Variants in ADCK1 observed in about 807,000 individuals in gnomAD.
The protein encoded by ADCK1 is aarF domain containing kinase 1, also known as aarF domain-containing protein kinase 1.
Under a neutral mutation model 52.3 loss-of-function variants are expected in ADCK1, and 41 were observed. That is an observed-to-expected ratio of 0.78 (90% CI 0.61 to 1.02). The LOEUF is 1.02. Among genes scored for constraint, ADCK1 ranks in the 50% least tolerant of loss-of-function variants. The pLI is 0.00. For missense variants in ADCK1, 658 were observed against 679.5 expected (o/e 0.97, Z 0.35); for synonymous variants, 250 against 274.6 (o/e 0.91, Z 0.89).
chr14:77,830,369 G>A (rs2081819110), intron 3 of ADCK1, among the ~76,000 whole-genome samples: 1 of 151,138 alleles, frequency 6.6e-6, no homozygotes, highest in Admixed American at 6.6e-5. Context: ...TGACCAGGAT[G>A]GTCTCGAACT....
At chr14:77,826,215 A>G (rs1490925186) in intron 3 of ADCK1, among the ~76,000 whole-genome samples, 1 of 152,192 alleles carries the variant, frequency 6.6e-6, no homozygotes, top group Non-Finnish European at 1.5e-5. Context: ...TGGCACTAAG[A>G]GCATGAGTAA....
intron 3 of ADCK1, among the ~76,000 whole-genome samples, chr14:77,830,444 C>T (rs56244834): frequency 0.044 from 6,680 of 151,146 alleles, 399 homozygotes; most frequent in African/African-American, 0.11. Context: ...TATGAGCCAC[C>T]GTGCCTCGCC....
At chr14:77,853,040 C>A in intron 3 of ADCK1, among the ~76,000 whole-genome samples, 1 of 140,252 alleles carries the variant, frequency 7.1e-6, no homozygotes. Context: ...GTGTGAGCCA[C>A]CATGCCTGGC....
chr14:77,868,016 G>C lies in ADCK1; in HGVS notation c.423+8737G>C, dbSNP rs372994710. ...GAGCAAAATTTGGCAGTTAAGACCAGCACCCTCATCTTGTATCCAGCACCT... is the reference window on the plus strand; with the variant it reads ...GAGCAAAATTTGGCAGTTAAGACCACCACCCTCATCTTGTATCCAGCACCT... On this transcript the variant is annotated intron_variant, in intron 4 of 10. Coordinates refer to ENST00000238561, the MANE Select transcript of ADCK1 (RefSeq NM_020421.4). 2.6e-5 allele frequency among the ~76,000 whole-genome samples: 4 copies of C among 152,348 alleles called. No homozygotes were observed. In the South Asian group the frequency reaches 8.3e-4, roughly 32 times the overall value.
chr14:77,832,229 T>C (rs61166317), intron 3 of ADCK1, among the ~76,000 whole-genome samples: 13,068 of 152,192 alleles, frequency 0.086, 1,032 homozygotes, highest in African/African-American at 0.2. Flanking sequence ...CCGCCCGCCT[T>C]GGCTGTAATC....
At chr14:77,839,431 GGGT>G (rs1566653913) in intron 3 of ADCK1, among the ~76,000 whole-genome samples, 1 of 152,122 alleles carries the variant, frequency 6.6e-6, no homozygotes, top group Non-Finnish European at 1.5e-5. Flanking sequence ...ATCTGGATGG[GGGT>G]GGGTGAGAGG....
At chr14:77,885,680 G>T (rs2083131969) in intron 4 of ADCK1, among the ~76,000 whole-genome samples, 1 of 152,158 alleles carries the variant, frequency 6.6e-6, no homozygotes, top group African/African-American at 2.4e-5. Context: ...GGGAGGAAGG[G>T]CTGTGCAGAC....
At chr14:77,899,708 T>C (rs2083489501) in intron 6 of ADCK1, among the ~76,000 whole-genome samples, 5 of 152,168 alleles carry the variant, frequency 3.3e-5, no homozygotes, top group Admixed American at 2.6e-4. Context: ...ACTGCAGTTA[T>C]GGAAAATCAC....
intron 6 of ADCK1, among the ~76,000 whole-genome samples, chr14:77,901,315 G>A (rs537286743): frequency 6.6e-6 from 1 of 150,918 alleles, no homozygotes; most frequent in East Asian, 1.9e-4. Flanking sequence ...CTCCCAAAGT[G>A]CTGAGATTAC....
At position 77,829,835 on chromosome 14, in the gene ADCK1, G is replaced by A. The variant is rs1272924836; in HGVS notation, c.219+7317G>A. The stretch of plus-strand genomic sequence containing the variant: ...TAGGTGAGGTTGAATGAGTTAAGTT[G>A]GTATGGGAGCTGAGTTTGGAAAGGT... On this transcript the variant is annotated intron_variant, in intron 3 of 10. Coordinates refer to ENST00000238561, the MANE Select transcript of ADCK1 (RefSeq NM_020421.4). 1.3e-5 allele frequency among the ~76,000 whole-genome samples: 2 copies of A among 151,364 alleles called. 1 individual carries two copies. The highest frequency in any genetic ancestry group is 3.0e-5 in the Non-Finnish European group (2 of 67,658).
Position 77,931,622 on chromosome 14 carries a change from G to A in ADCK1, c.1311G>A (p.Leu437=). 1 of 1,613,206 alleles carries A rather than the reference G, an allele frequency of 6.2e-7. No homozygotes were observed. The highest frequency in any genetic ancestry group is 8.5e-7 in the Non-Finnish European group (1 of 1,180,036). ...TGCTCATCTTGAAGACCAACGACCT[G>A]CTGCGTGGCATTGAGGCCGCCCTGG... The part of the protein sequence containing the change: ...QMLLILKTND[L]LRGIEAALGT... The change falls in exon 10 of 11, where the codon CTG becomes CTA. Residue 437 remains leucine (L), a synonymous_variant. Transcript: ENST00000238561.
intron 4 of ADCK1, 104 bp from the exon 5 acceptor site, chr14:77,886,987 G>C: frequency 7.9e-7 from 1 of 1,268,538 alleles, no homozygotes; most frequent in South Asian, 1.6e-5. Context: ...TCTCAAATCT[G>C]TCCTGGGGGC....
At chr14:77,912,145 T>A (rs977535063) in intron 7 of ADCK1, among the ~76,000 whole-genome samples, 1 of 152,180 alleles carries the variant, frequency 6.6e-6, no homozygotes, top group African/African-American at 2.4e-5. Flanking sequence ...TTTTGTTTCA[T>A]TGGTCTATCC....
At chr14:77,888,687 G>A (rs970031979) in intron 5 of ADCK1, among the ~76,000 whole-genome samples, 2 of 152,128 alleles carry the variant, frequency 1.3e-5, no homozygotes. Context: ...CACATGGGGT[G>A]GGGGCAAGGA....
chr14:77,851,043 T>C (rs1283623398), intron 3 of ADCK1, among the ~76,000 whole-genome samples: 1 of 152,124 alleles, frequency 6.6e-6, no homozygotes, highest in East Asian at 1.9e-4. Context: ...GCTATTACTT[T>C]TGCATCAACT....
chr14:77,927,607 C>T (rs1239730834), intron 9 of ADCK1, among the ~76,000 whole-genome samples: 5 of 152,150 alleles, frequency 3.3e-5, no homozygotes, highest in South Asian at 2.1e-4. Flanking sequence ...GTGCCCTGGA[C>T]GAAACAAGTA....
intron 4 of ADCK1, among the ~76,000 whole-genome samples, chr14:77,884,458 T>C (rs2083103424): frequency 6.6e-6 from 1 of 152,032 alleles, no homozygotes; most frequent in Non-Finnish European, 1.5e-5. Context: ...ATTTACTGGG[T>C]CTTGTGTGGG....
intron 3 of ADCK1, among the ~76,000 whole-genome samples, chr14:77,856,858 T>G (rs2082426979): frequency 1.3e-5 from 2 of 151,818 alleles, no homozygotes; most frequent in Non-Finnish European, 2.9e-5. Flanking sequence ...ACAAAAATTA[T>G]CCGGGTGTGG....
intron 1 of ADCK1, among the ~76,000 whole-genome samples, chr14:77,811,289 G>A (rs955053686): frequency 6.6e-6 from 1 of 152,054 alleles, no homozygotes; most frequent in Non-Finnish European, 1.5e-5. Flanking sequence ...TACTGTGTAG[G>A]TGGCACCTTG....
Sources: gnomAD v4.1 joint callset for allele counts (sites outside exome capture counted in the v4.1 genomes callset) on GRCh38, gnomAD v4.1.1 for gene constraint, MANE v1.5 for transcripts, NCBI Gene and HGNC (gene_info 2026-07-23, HGNC 2026-07-21) for gene names.